AKAP13: variants seen among roughly 807,000 people sequenced by gnomAD.
The protein encoded by AKAP13 is A-kinase anchor protein 13.
Under a neutral mutation model 264.5 loss-of-function variants are expected in AKAP13, and 80 were observed. The observed-to-expected ratio is 0.30, with a 90% confidence interval of 0.25 to 0.36. The LOEUF is 0.36. AKAP13 is among the 10% of genes least tolerant of loss of function. The pLI is 1.00. For synonymous variants in AKAP13, 1,380 were observed against 1,250.2 expected (o/e 1.10, Z -2.19); for missense variants, 3,712 against 3,435.2 (o/e 1.08, Z -2.01).
At position 85,726,427 on chromosome 15, in the gene AKAP13, C is replaced by T. The variant is rs748495299; in HGVS notation, c.6763C>T (p.Leu2255Phe). 1.2e-5 allele frequency: 20 copies of T among 1,613,692 alleles called. No homozygotes were observed. The South Asian group carries it at 1.9e-4, about 15-fold the overall frequency. ...TTTTCCAGAGGTTCAAGCAGTTCTTCTCACTGACATTTTAGTTTTCCTTCA... is the reference window on the plus strand; with the variant it reads ...TTTTCCAGAGGTTCAAGCAGTTCTTTTCACTGACATTTTAGTTTTCCTTCA... Reference protein sequence around the residue: ...GRLKEVQAVLLTDILVFLQEK... With the variant: ...GRLKEVQAVLFTDILVFLQEK... Residue 2255 changes from leucine to phenylalanine, a missense_variant, in exon 27 of 37, where the codon CTC becomes TTC. By Grantham distance (22) the Leu-to-Phe change is conservative (BLOSUM62 0). This residue lies in a region of AKAP13 where 342 missense variants were observed against 484.3 expected (regional missense o/e 0.71). Coordinates refer to ENST00000394518, the MANE Select transcript of AKAP13 (RefSeq NM_007200.5).
At chr15:85,472,933 T>C (rs892691211) in intron 1 of AKAP13, among the ~76,000 whole-genome samples, 5 of 152,216 alleles carry the variant, frequency 3.3e-5, no homozygotes, top group African/African-American at 9.7e-5. Context: ...ATTTAATATA[T>C]GTGACATATA....
At chr15:85,455,197 CT>C (rs1238391822) in intron 1 of AKAP13, among the ~76,000 whole-genome samples, 1 of 151,854 alleles carries the variant, frequency 6.6e-6, no homozygotes, top group Non-Finnish European at 1.5e-5. Context: ...CTAATATGGT[CT>C]GTATATTTGA....
intron 5 of AKAP13, among the ~76,000 whole-genome samples, chr15:85,550,122 G>A (rs1452985791): frequency 1.3e-5 from 2 of 152,012 alleles, no homozygotes; most frequent in Admixed American, 6.5e-5. Flanking sequence ...TCACCGTGTC[G>A]GTCAGGCTGG....
Position 85,719,056 on chromosome 15 carries a change from G to T in AKAP13, c.6002-20G>T. 6.2e-7 allele frequency: 1 copy of T among 1,612,170 alleles called. No homozygotes were observed. The highest frequency in any genetic ancestry group is 1.1e-5 in the South Asian group (1 of 90,838). On this transcript the variant is annotated intron_variant, in intron 22 of 36. Transcript: ENST00000394518. Reference sequence around the variant, plus strand: ...TTATAAAAGAGTGTTCCTGACACTTGATCTTTTTCCTCCTTTTAGAGTTGA... The same window carrying T: ...TTATAAAAGAGTGTTCCTGACACTTTATCTTTTTCCTCCTTTTAGAGTTGA...
At chr15:85,442,098 A>G (rs1040354656) in intron 1 of AKAP13, among the ~76,000 whole-genome samples, 3 of 152,048 alleles carry the variant, frequency 2.0e-5, no homozygotes, top group Non-Finnish European at 4.4e-5. Flanking sequence ...AGTACAAGCT[A>G]TTGGACAGAA....
intron 8 of AKAP13, chr15:85,620,051 A>G: frequency 2.6e-6 from 4 of 1,535,886 alleles, no homozygotes; most frequent in Non-Finnish European, 3.5e-6. Context: ...CAGTGGATAT[A>G]CTTCCTGCAT....
At chr15:85,542,107 A>G (rs1282462448) in intron 4 of AKAP13, among the ~76,000 whole-genome samples, 1 of 152,210 alleles carries the variant, frequency 6.6e-6, no homozygotes, top group Admixed American at 6.5e-5. Flanking sequence ...TAAGGATGTC[A>G]GAACAACTGT....
rs1475792952 is a variant in AKAP13, at chr15:85,747,985, CAT to C, written c.*3309_*3310del. On this transcript the variant is annotated 3_prime_UTR_variant, in exon 37 of 37. Transcript: ENST00000394518. Reference sequence around the variant, plus strand: ...TGATGTGGGAGGGGAGGTGTTAGTGCATGCAAGGGTTGAACTAGATAGACCCT... The same window carrying C: ...TGATGTGGGAGGGGAGGTGTTAGTGCGCAAGGGTTGAACTAGATAGACCCT... The C allele has an allele frequency of 3.9e-5, 6 of 152,534 alleles. No individual in the cohort carries two copies. Among genetic ancestry groups the C allele is most frequent in the Non-Finnish European group, 8.8e-5 (6 of 68,048 alleles). 9.4% of individuals were successfully genotyped at this position (152,534 alleles called of 1,614,324 possible). A position where few individuals can be genotyped will look rare whatever the true frequency, so the allele number is the denominator to read the frequency against.
chr15:85,735,768 C>T, intron 32 of AKAP13, 138 bp downstream of exon 32: 1 of 956,760 alleles, frequency 1.0e-6, no homozygotes, highest in South Asian at 1.7e-5. Flanking sequence ...GGGAAAATCA[C>T]ATTTTTAAAA....
chr15:85,523,951 A>G (rs1209330589), intron 3 of AKAP13, among the ~76,000 whole-genome samples: 3 of 152,172 alleles, frequency 2.0e-5, no homozygotes, highest in Non-Finnish European at 4.4e-5. Context: ...TGCTGAGGGC[A>G]GTGTTAGATT....
Position 85,744,882 on chromosome 15 carries a change from A to C in AKAP13, c.*205A>C, listed in dbSNP as rs1362279873. ...AGGAGGCCCAGACTCTGCTTCGGCC[A>C]TGATTTGTGACTGCCCAGGACTCTC... On this transcript the variant is annotated 3_prime_UTR_variant, in exon 37 of 37. Transcript: ENST00000394518. 5 of 514,564 alleles carry C rather than the reference A, an allele frequency of 9.7e-6. No individual in the cohort carries two copies. The South Asian group carries it at 1.4e-4, about 14-fold the overall frequency. 31.9% of individuals were successfully genotyped at this position (514,564 alleles called of 1,614,324 possible).
At chr15:85,596,057 T>C (rs1425148806) in intron 8 of AKAP13, among the ~76,000 whole-genome samples, 3 of 152,224 alleles carry the variant, frequency 2.0e-5, no homozygotes, top group Non-Finnish European at 2.9e-5. Flanking sequence ...CTATCACTGC[T>C]GTGGACCTGA....
chr15:85,557,813 T>C (rs2078206866), intron 5 of AKAP13, among the ~76,000 whole-genome samples: 1 of 152,178 alleles, frequency 6.6e-6, no homozygotes, highest in African/African-American at 2.4e-5. Flanking sequence ...AAAGCTGATA[T>C]TTGGATACTT....
chr15:85,636,615 A>ATT (rs34550876), intron 8 of AKAP13, among the ~76,000 whole-genome samples: 54,088 of 148,300 alleles, frequency 0.36, 11,799 homozygotes, highest in Middle Eastern at 0.53. Flanking sequence ...AATTTTGCTG[A>ATT]TTTTTTTTTT....
intron 1 of AKAP13, among the ~76,000 whole-genome samples, chr15:85,461,687 ATTTTC>A (rs1415271850): frequency 1.3e-5 from 2 of 150,404 alleles, no homozygotes; most frequent in Non-Finnish European, 3.0e-5. Context: ...TTCTGCTCCT[ATTTTC>A]TTTAGCCATG....
In AKAP13 at chr15:85,440,986, A is replaced by G. The variant is rs531850154; in HGVS notation, c.-11-44724A>G. On this transcript the variant is annotated intron_variant, in intron 1 of 36. Coordinates refer to ENST00000394518, the MANE Select transcript of AKAP13 (RefSeq NM_007200.5). The stretch of plus-strand genomic sequence containing the variant: ...GCAAGAGAAACTCTAAAAAAACAAA[A>G]CAAAACAAACTGATGTCATTGGTGT... 8.5e-5 allele frequency among the ~76,000 whole-genome samples: 13 copies of G among 152,292 alleles called. No homozygotes were observed. The East Asian group carries it at 2.3e-3, about 27-fold the overall frequency.
rs572191152 is a variant in AKAP13 at position 85,629,853 on chromosome 15, C to T, written c.4162-9521C>T. Among the ~76,000 whole-genome samples, 6 of 127,246 alleles carry T rather than the reference C, an allele frequency of 4.7e-5. No homozygotes were observed. In the East Asian group the frequency reaches 1.5e-3, roughly 31 times the overall value. 83.5% of individuals were successfully genotyped at this position (127,246 alleles called of 152,430 possible). ...GGAGTGCAGCAGTGCTGTCTTGGCT[C>T]ACTGAAACCTCCACCTCCCGGGCTC... On this transcript the variant is annotated intron_variant, in intron 8 of 36. Transcript: ENST00000394518.
At chr15:85,537,856 A>G (rs931869296) in intron 4 of AKAP13, among the ~76,000 whole-genome samples, 37 of 152,232 alleles carry the variant, frequency 2.4e-4, no homozygotes, top group African/African-American at 8.7e-4. Context: ...TTGATGTTTT[A>G]CTTGTTACAA....
chr15:85,532,186 A>G (rs1483578), intron 3 of AKAP13, among the ~76,000 whole-genome samples: 36,628 of 152,194 alleles, frequency 0.24, 5,834 homozygotes, highest in Middle Eastern at 0.41. Flanking sequence ...CCACCCTAAA[A>G]TTACACAGCA....
Sources: allele counts gnomAD v4.1 joint callset (sites outside exome capture counted in the v4.1 genomes callset), GRCh38; gene constraint gnomAD v4.1.1; regional missense constraint gnomAD v4.1.1; transcripts MANE v1.5; gene names NCBI Gene and HGNC (gene_info 2026-07-23, HGNC 2026-07-21).